Variants in PARP8 observed in about 807,000 individuals in gnomAD.
PARP8 encodes protein mono-ADP-ribosyltransferase PARP8.
PARP8 carries 51 observed loss-of-function variants against 124.1 expected under a neutral mutation model. The ratio of observed to expected loss-of-function variants is 0.41; its 90% CI spans 0.33 to 0.52. The LOEUF is 0.52. Ranked by LOEUF, PARP8 falls within the 20% of genes least tolerant of loss-of-function variation. The pLI is 0.21. For missense variants in PARP8, 860 were observed against 1,018.9 expected (o/e 0.84, Z 2.12); for synonymous variants, 391 against 361.5 (o/e 1.08, Z -0.93).
intron 2 of PARP8, among the ~76,000 whole-genome samples, chr5:50,747,761 C>CT (rs70972943): frequency 0.054 from 2,842 of 52,830 alleles, 1,220 homozygotes; most frequent in Non-Finnish European, 0.088. Context: ...ATAGACCTTG[C>CT]TTTTTTTTTT....
At chr5:50,819,633 G>T (rs1016191176) in intron 15 of PARP8, among the ~76,000 whole-genome samples, 3 of 151,716 alleles carry the variant, frequency 2.0e-5, no homozygotes, top group Non-Finnish European at 4.4e-5. Flanking sequence ...TAGAGACGGG[G>T]TTTCACCACA....
At chr5:50,805,892 AT>A in intron 14 of PARP8, among the ~76,000 whole-genome samples, 1 of 152,094 alleles carries the variant, frequency 6.6e-6, no homozygotes, top group South Asian at 2.1e-4. Context: ...TGTCATTTCC[AT>A]TTGTTACAGA....
intron 14 of PARP8, among the ~76,000 whole-genome samples, chr5:50,813,800 C>T (rs1051066431): frequency 6.6e-6 from 1 of 151,852 alleles, no homozygotes; most frequent in African/African-American, 2.4e-5. Context: ...TTGTTATAGT[C>T]CCTGGAATGT....
intron 2 of PARP8, among the ~76,000 whole-genome samples, chr5:50,739,732 A>ATATATT (rs1391397402): frequency 6.8e-5 from 3 of 44,206 alleles, no homozygotes; most frequent in African/African-American, 2.3e-4. Flanking sequence ...ATATATATAT[A>ATATATT]TTTTTTTTTT....
intron 6 of PARP8, among the ~76,000 whole-genome samples, chr5:50,762,828 A>G (rs890736708): frequency 6.6e-6 from 1 of 152,208 alleles, no homozygotes; most frequent in Non-Finnish European, 1.5e-5. Context: ...TTACACAACT[A>G]ATTCTTACAG....
intron 23 of PARP8, chr5:50,833,325 T>C: frequency 2.5e-6 from 1 of 394,612 alleles, no homozygotes; most frequent in South Asian, 1.9e-5. Context: ...AGTCAAGACC[T>C]ACAGATGATG....
At chr5:50,677,520 A>G (rs1391683096) in intron 2 of PARP8, among the ~76,000 whole-genome samples, 1 of 152,198 alleles carries the variant, frequency 6.6e-6, no homozygotes, top group African/African-American at 2.4e-5. Context: ...AAACCAGCCT[A>G]GAATGGTGAT....
rs775667943 is a variant in PARP8, at chr5:50,821,199, G to A, written c.1669-14G>A. ...ACCTGAAGGGTAGTAACTATCTTAT[G>A]TGTATATTTCAAGGTGGTAGATCTA... On this transcript the variant is annotated splice_polypyrimidine_tract_variant and intron_variant, in intron 15 of 25. Transcript: ENST00000281631. 1 of 1,613,786 alleles carries A rather than the reference G, an allele frequency of 6.2e-7. No individual in the cohort carries two copies. Among genetic ancestry groups the A allele is most frequent in the Non-Finnish European group, 8.5e-7 (1 of 1,179,764 alleles).
chr5:50,696,545 C>T (rs1205576016), intron 2 of PARP8, among the ~76,000 whole-genome samples: 1 of 152,206 alleles, frequency 6.6e-6, no homozygotes, highest in Non-Finnish European at 1.5e-5. Context: ...TTCTCTTGCT[C>T]TTTCCCTCTG....
rs554765037 is a variant in PARP8 at position 50,824,949 on chromosome 5, C to T, written c.1902C>T (p.Asp634=). 72 of 1,612,944 alleles carry T rather than the reference C, an allele frequency of 4.5e-5. No individual in the cohort carries two copies. The South Asian group carries it at 6.3e-4, about 14-fold the overall frequency. The change falls in exon 18 of 26, where the codon GAC becomes GAT. Residue 634 remains aspartate (D), a synonymous_variant. Coordinates refer to ENST00000281631, the MANE Select transcript of PARP8 (RefSeq NM_024615.4). ...TCAAGAAGCAAATGGATAAACAGGACCCCCTTGCTCATCCCTTACTGCAAT... is the reference window on the plus strand; with the variant it reads ...TCAAGAAGCAAATGGATAAACAGGATCCCCTTGCTCATCCCTTACTGCAAT... The part of the protein sequence containing the change: ...LEIKKQMDKQ[D]PLAHPLLQWV...
intron 2 of PARP8, among the ~76,000 whole-genome samples, chr5:50,738,781 G>T (rs1234157253): frequency 1.3e-5 from 2 of 151,850 alleles, no homozygotes; most frequent in Non-Finnish European, 2.9e-5. Flanking sequence ...TTACAAACTT[G>T]TGTTGAGTTG....
chr5:50,764,920 A>G (rs1760906558), intron 7 of PARP8, among the ~76,000 whole-genome samples: 1 of 152,002 alleles, frequency 6.6e-6, no homozygotes, highest in African/African-American at 2.4e-5. Flanking sequence ...TCTATGGGAT[A>G]TAACAATCAT....
At chr5:50,708,426 T>A (rs1487697427) in intron 2 of PARP8, among the ~76,000 whole-genome samples, 1 of 152,140 alleles carries the variant, frequency 6.6e-6, no homozygotes, top group African/African-American at 2.4e-5. Flanking sequence ...CATTTTTCTT[T>A]TTTTTAATCT....
intron 2 of PARP8, among the ~76,000 whole-genome samples, chr5:50,728,585 T>A (rs77807205): frequency 6.7e-6 from 1 of 148,988 alleles, no homozygotes; most frequent in African/African-American, 2.4e-5. Context: ...TACACAGAAT[T>A]TTTTTTTTTT....
intron 2 of PARP8, among the ~76,000 whole-genome samples, chr5:50,698,789 G>C (rs991892279): frequency 6.6e-6 from 1 of 152,122 alleles, no homozygotes; most frequent in Non-Finnish European, 1.5e-5. Flanking sequence ...TCAGGGAAAG[G>C]AAAGAAAAGG....
chr5:50,719,249 GCAA>G (rs774849946), intron 2 of PARP8, among the ~76,000 whole-genome samples: 23 of 151,836 alleles, frequency 1.5e-4, no homozygotes, highest in Non-Finnish European at 2.2e-4. Context: ...ATATTTTCTT[GCAA>G]ATATTTTCTC....
chr5:50,815,921 A>G (rs1745049935), intron 15 of PARP8, among the ~76,000 whole-genome samples: 1 of 152,228 alleles, frequency 6.6e-6, no homozygotes, highest in South Asian at 2.1e-4. Context: ...TGTAATAAAA[A>G]GAGAACATTC....
intron 2 of PARP8, among the ~76,000 whole-genome samples, chr5:50,699,690 T>A (rs925049262): frequency 6.6e-6 from 1 of 152,136 alleles, no homozygotes. Flanking sequence ...GGCTTGAATG[T>A]GATTATATGG....
chr5:50,767,682 T>G (rs1761187728), intron 7 of PARP8, among the ~76,000 whole-genome samples: 1 of 152,222 alleles, frequency 6.6e-6, no homozygotes, highest in African/African-American at 2.4e-5. Flanking sequence ...TTAGAGAAAT[T>G]TATAGCTACC....
Sources: allele counts gnomAD v4.1 joint callset (sites outside exome capture counted in the v4.1 genomes callset), GRCh38; gene constraint gnomAD v4.1.1; transcripts MANE v1.5; gene names NCBI Gene and HGNC (gene_info 2026-07-23, HGNC 2026-07-21).